The following PDXDC1 variants were observed in gnomAD, a reference collection of about 807,000 sequenced individuals.
PDXDC1 encodes the protein pyridoxal dependent decarboxylase domain containing 1.
Under a neutral mutation model 100.1 loss-of-function variants are expected in PDXDC1, and 42 were observed. That is an observed-to-expected ratio of 0.42 (90% confidence interval 0.33 to 0.54). PDXDC1 has a LOEUF of 0.54. PDXDC1 is among the 20% of genes least tolerant of loss of function. The pLI, the probability that PDXDC1 is intolerant of heterozygous loss-of-function variation, is 0.10. For synonymous variants in PDXDC1, 260 were observed against 371.7 expected, an observed-to-expected ratio of 0.70 and a Z score of 3.46; for missense variants, 636 against 979.2, an observed-to-expected ratio of 0.65 and a Z score of 4.68.
At chr16:15,068,915 T>C (rs1171819267) in intron 16 of PDXDC1, among the ~76,000 whole-genome samples, 2 of 152,200 alleles carry the variant, frequency 1.3e-5, no homozygotes, top group African/African-American at 4.8e-5. Context: ...AGGAGTTTCT[T>C]TGATACGTAT....
At chr16:15,022,613 G>C in intron 12 of PDXDC1, 91 bp from the exon 13 acceptor site, 2 of 1,230,076 alleles carry the variant, frequency 1.6e-6, no homozygotes, top group Non-Finnish European at 2.3e-6. Context: ...CCTGACATCC[G>C]TGTTCACAGA....
At chr16:14,983,566 C>G (rs150634715) in intron 1 of PDXDC1, among the ~76,000 whole-genome samples, 1,841 of 133,382 alleles carry the variant, frequency 0.014, 59 homozygotes, top group African/African-American at 0.048. Flanking sequence ...GAGCAAGACT[C>G]CGTCTCAAAA....
chr16:15,037,960 T>A lies in PDXDC1; in HGVS notation c.*1685T>A, dbSNP rs532196114. 13 of 1,132,234 alleles carry A rather than the reference T, an allele frequency of 1.1e-5. No individual in the cohort carries two copies. In the South Asian group the frequency reaches 1.7e-4, roughly 15 times the overall value. The allele number at this position is 1,132,234 out of a possible 1,614,324, so 70.1% of individuals were successfully genotyped here. A position where few individuals can be genotyped will look rare whatever the true frequency, so the allele number is the denominator to read the frequency against. On this transcript the variant is annotated 3_prime_UTR_variant, in exon 23 of 23. Coordinates refer to ENST00000396410, the MANE Select transcript of PDXDC1 (RefSeq NM_015027.4). ...AGACCCAACAGATGTAGGATCCAGA[T>A]CTGGATTCGTGCCAGCCCCACCAAT... is the stretch of plus-strand genomic sequence containing the variant.
chr16:15,003,844 C>T (rs1250939783), intron 4 of PDXDC1, among the ~76,000 whole-genome samples: 4 of 152,216 alleles, frequency 2.6e-5, no homozygotes, highest in African/African-American at 9.6e-5. Flanking sequence ...ATTAGCCGGG[C>T]TTGGTGGTGC....
intron 16 of PDXDC1, among the ~76,000 whole-genome samples, chr16:15,084,231 T>C (rs1277672172): frequency 2.0e-5 from 3 of 152,148 alleles, no homozygotes; most frequent in Admixed American, 1.3e-4. Flanking sequence ...AGTTAACAAA[T>C]AATCAACGGA....
chr16:15,075,933 T>C (rs547172240), intron 16 of PDXDC1, among the ~76,000 whole-genome samples: 8 of 152,200 alleles, frequency 5.3e-5, no homozygotes, highest in Non-Finnish European at 1.0e-4. Flanking sequence ...CCTTGCACTC[T>C]TTCCAGCCCC....
At chr16:15,083,426 G>C in intron 16 of PDXDC1, 1 of 1,561,912 alleles carries the variant, frequency 6.4e-7, no homozygotes, top group Non-Finnish European at 8.6e-7. Flanking sequence ...AGAAAGACTG[G>C]AAAAGAAAGA....
chr16:15,042,577 A>T (rs748736378), downstream of PDXDC1, among the ~76,000 whole-genome samples: 1 of 152,114 alleles, frequency 6.6e-6, no homozygotes, highest in Non-Finnish European at 1.5e-5. Context: ...GCGACTACAT[A>T]ATTATTATTC....
At chr16:15,151,698 G>A in the PDXDC1 span, among the ~76,000 whole-genome samples, 1 of 115,476 alleles carries the variant, frequency 8.7e-6, no homozygotes, top group African/African-American at 2.7e-5. Flanking sequence ...TTGGGAGGCC[G>A]AGGCGGGCGG....
intron 1 of PDXDC1, chr16:14,990,019 G>T: frequency 1.4e-6 from 2 of 1,475,876 alleles, no homozygotes; most frequent in East Asian, 3.1e-5. Flanking sequence ...GGAAGCAGGT[G>T]CAGGCCGCCC....
At chr16:15,035,038 T>C (rs1374936960) in intron 21 of PDXDC1, among the ~76,000 whole-genome samples, 1 of 152,230 alleles carries the variant, frequency 6.6e-6, no homozygotes, top group African/African-American at 2.4e-5. Context: ...ACTCCTTTCC[T>C]GTTCTACCAA....
At chr16:15,015,574 G>A (rs145089790) in intron 8 of PDXDC1, among the ~76,000 whole-genome samples, 1,170 of 152,062 alleles carry the variant, frequency 7.7e-3, no homozygotes, top group East Asian at 0.047. Flanking sequence ...AAAATTAGCC[G>A]GGCGTGGTGG....
chr16:15,143,860 CCGGA>C (rs2048512514), downstream of PDXDC1, among the ~76,000 whole-genome samples: 1 of 152,186 alleles, frequency 6.6e-6, no homozygotes, highest in African/African-American at 2.4e-5. Context: ...GGTCTGGGGG[CCGGA>C]CGGAGCCCCC....
At chr16:15,101,208 C>T (rs540473040) in intron 16 of PDXDC1, among the ~76,000 whole-genome samples, 3 of 152,268 alleles carry the variant, frequency 2.0e-5, no homozygotes, top group South Asian at 4.2e-4. Flanking sequence ...ACAGTATTTG[C>T]CCATTTATTT....
intron 6 of PDXDC1, among the ~76,000 whole-genome samples, 182 bp from the exon 7 acceptor site, chr16:15,008,597 T>G (rs1706402553): frequency 1.8e-4 from 4 of 21,758 alleles, no homozygotes; most frequent in Non-Finnish European, 4.5e-4. Context: ...AATTCACCCT[T>G]TTTTTTTTTT....
intron 16 of PDXDC1, among the ~76,000 whole-genome samples, chr16:15,099,929 C>T (rs2046482320): frequency 1.3e-5 from 2 of 152,140 alleles, no homozygotes; most frequent in Non-Finnish European, 2.9e-5. Flanking sequence ...TCTTAGCTTG[C>T]TAGTGAAAGA....
intron 12 of PDXDC1, among the ~76,000 whole-genome samples, chr16:15,021,889 G>T (rs2042237141): frequency 6.6e-6 from 1 of 152,294 alleles, no homozygotes; most frequent in South Asian, 2.1e-4. Flanking sequence ...ATTCACCTCA[G>T]TGTCAGGCAC....
At chr16:15,150,185 A>C in the PDXDC1 span, among the ~76,000 whole-genome samples, 2 of 151,892 alleles carry the variant, frequency 1.3e-5, no homozygotes, top group African/African-American at 4.8e-5. Flanking sequence ...TCTACTAAAA[A>C]TACAAAAAAT....
rs1175973723 is a variant in PDXDC1, at chr16:15,033,339, T to C, written c.1752T>C (p.Asp584=). ...TCGGCATGGCGAGCGACAACGTCGA[T>C]GCTGCTGAGCTCGTGGAGACCATTG... ...LYVGMASDNV[D]AAELVETIAA... Residue 584 remains aspartate, a synonymous_variant, in exon 19 of 23, where the codon GAT becomes GAC. Coordinates refer to ENST00000396410, the MANE Select transcript of PDXDC1 (RefSeq NM_015027.4). 6 of 1,614,072 alleles carry C rather than the reference T, an allele frequency of 3.7e-6. No individual in the cohort carries two copies. The Admixed American group carries it at 6.7e-5, about 18-fold the overall frequency.
Sources: gnomAD v4.1 joint callset for allele counts (sites outside exome capture counted in the v4.1 genomes callset) on GRCh38, gnomAD v4.1.1 for gene constraint, MANE v1.5 for transcripts, NCBI Gene and HGNC (gene_info 2026-07-23, HGNC 2026-07-21) for gene names.